Variants in SPIDR observed in about 807,000 individuals in gnomAD.
The protein encoded by SPIDR is scaffold protein involved in DNA repair.
A neutral mutation model predicts 104.6 loss-of-function variants in SPIDR; 93 were observed. The ratio of observed to expected loss-of-function variants is 0.89; its 90% CI spans 0.75 to 1.06. The LOEUF (loss-of-function observed/expected upper bound fraction) is 1.06, where lower values mean the gene tolerates loss of function less well. Among genes scored for constraint, SPIDR ranks in the 50% least tolerant of loss-of-function variants. SPIDR has a pLI of 0.00. For missense variants in SPIDR, 1,154 were observed against 1,111.2 expected, an observed-to-expected ratio of 1.04 and a Z score of -0.55; for synonymous variants, 431 against 416.9, an observed-to-expected ratio of 1.03 and a Z score of -0.41.
chr8:47,268,996 GTC>G (rs2154212845), intron 1 of SPIDR, among the ~76,000 whole-genome samples: 1 of 151,770 alleles, frequency 6.6e-6, no homozygotes, highest in African/African-American at 2.4e-5. Context: ...GTAAAACTGA[GTC>G]TCTACAAAAA....
chr8:47,315,218 T>C (rs1025741841), intron 5 of SPIDR, among the ~76,000 whole-genome samples: 11 of 152,162 alleles, frequency 7.2e-5, no homozygotes, highest in Non-Finnish European at 1.5e-4. Flanking sequence ...CACCTTGACC[T>C]AACTGACATT....
At chr8:47,574,091 C>G (rs1033812232) in intron 8 of SPIDR, among the ~76,000 whole-genome samples, 4 of 152,160 alleles carry the variant, frequency 2.6e-5, no homozygotes, top group African/African-American at 9.7e-5. Context: ...GTGCTTGCCT[C>G]TATGTGGTAA....
intron 8 of SPIDR, among the ~76,000 whole-genome samples, chr8:47,488,628 C>G (rs1428264479): frequency 1.3e-5 from 2 of 152,172 alleles, no homozygotes; most frequent in Non-Finnish European, 2.9e-5. Context: ...CCGAATGCAG[C>G]AGCCCATCAA....
intron 14 of SPIDR, among the ~76,000 whole-genome samples, 156 bp from the exon 15 acceptor site, chr8:47,712,506 G>T (rs902994450): frequency 6.6e-6 from 1 of 152,120 alleles, no homozygotes; most frequent in African/African-American, 2.4e-5. Context: ...GGGCACATGG[G>T]GCTAGTGACC....
At chr8:47,661,534 A>G (rs916083948) in intron 10 of SPIDR, among the ~76,000 whole-genome samples, 1 of 152,262 alleles carries the variant, frequency 6.6e-6, no homozygotes, top group South Asian at 2.1e-4. Context: ...TTTTATGAAC[A>G]TTAATCAGAT....
At chr8:47,499,374 G>A (rs1350718095) in intron 8 of SPIDR, among the ~76,000 whole-genome samples, 7 of 152,086 alleles carry the variant, frequency 4.6e-5, no homozygotes, top group Non-Finnish European at 1.0e-4. Context: ...GAGCTTTGGG[G>A]TTTCCTCTAA....
intron 7 of SPIDR, among the ~76,000 whole-genome samples, chr8:47,429,743 G>A (rs1388180638): frequency 1.3e-5 from 2 of 148,880 alleles, no homozygotes; most frequent in African/African-American, 4.9e-5. Context: ...GGGTGACTTT[G>A]TTAAACCTTG....
At chr8:47,261,207 G>T (rs2032129095) in intron 1 of SPIDR, among the ~76,000 whole-genome samples, 1 of 152,178 alleles carries the variant, frequency 6.6e-6, no homozygotes, top group Admixed American at 6.5e-5. Flanking sequence ...GTGCGGGCCG[G>T]GCCCTCAGCG....
At chr8:47,645,924 G>A (rs137914590) in intron 10 of SPIDR, among the ~76,000 whole-genome samples, 5 of 152,258 alleles carry the variant, frequency 3.3e-5, no homozygotes, top group African/African-American at 1.2e-4. Flanking sequence ...ATCTTGAGGT[G>A]GAAGTTTTTT....
chr8:47,685,586 C>T (rs1218148734), intron 11 of SPIDR, among the ~76,000 whole-genome samples: 1 of 148,342 alleles, frequency 6.7e-6, no homozygotes, highest in Non-Finnish European at 1.5e-5. Context: ...GGTTTTAAGA[C>T]TTTCAGTTTT....
At chr8:47,268,268 G>A (rs2034507096) in intron 1 of SPIDR, among the ~76,000 whole-genome samples, 1 of 152,134 alleles carries the variant, frequency 6.6e-6, no homozygotes, top group African/African-American at 2.4e-5. Flanking sequence ...AATTAGAAGT[G>A]TGAGTTTCTG....
At chr8:47,692,487 CTTTTTTTTTT>C (rs1171012398) in intron 11 of SPIDR, among the ~76,000 whole-genome samples, 6 of 119,286 alleles carry the variant, frequency 5.0e-5, no homozygotes, top group African/African-American at 1.6e-4. Flanking sequence ...TCAGAATTTC[CTTTTTTTTTT>C]TTTTTTTTTT....
intron 8 of SPIDR, among the ~76,000 whole-genome samples, chr8:47,471,006 T>A (rs1192773180): frequency 4.6e-5 from 7 of 152,196 alleles, no homozygotes; most frequent in African/African-American, 1.7e-4. Flanking sequence ...AGTGCTGGGA[T>A]TACAGGCTTG....
intron 8 of SPIDR, among the ~76,000 whole-genome samples, chr8:47,539,464 A>AT (rs1195796759): frequency 6.6e-6 from 1 of 152,090 alleles, no homozygotes; most frequent in Non-Finnish European, 1.5e-5. Flanking sequence ...AATGTTATTA[A>AT]TTGTTATTTT....
In SPIDR at chr8:47,673,922, C is replaced by T. The variant is rs754027963; in HGVS notation, c.1666C>T (p.Gln556Ter). The change falls in exon 11 of 20, where the codon CAG (glutamine) becomes TAG (stop). Residue 556 changes from glutamine (Q) to a stop codon, truncating the protein, a stop_gained. Coordinates refer to ENST00000297423, the MANE Select transcript of SPIDR (RefSeq NM_001080394.4). LOFTEE classifies it high-confidence loss of function. ...SCSLVGMKVL[Q>*]KVTRGRTAGI... Reference sequence around the variant, plus strand: ...CAGCCTGGTGGGAATGAAGGTTCTACAGAAAGTCACCAGAGGAAGGTGAGA... The same window carrying T: ...CAGCCTGGTGGGAATGAAGGTTCTATAGAAAGTCACCAGAGGAAGGTGAGA... 2.5e-6 allele frequency: 4 copies of T among 1,613,978 alleles called. No individual in the cohort carries two copies. Among genetic ancestry groups the T allele is most frequent in the Non-Finnish European group, 3.4e-6 (4 of 1,180,012 alleles).
chr8:47,458,765 G>A (rs2073443488), intron 8 of SPIDR, among the ~76,000 whole-genome samples: 1 of 151,976 alleles, frequency 6.6e-6, no homozygotes, highest in African/African-American at 2.4e-5. Context: ...TATTATGTTG[G>A]CTGTGGGTTT....
intron 8 of SPIDR, among the ~76,000 whole-genome samples, chr8:47,562,087 T>C (rs894944636): frequency 1.3e-5 from 2 of 152,204 alleles, no homozygotes; most frequent in African/African-American, 2.4e-5. Context: ...TTCCTTTATA[T>C]GTATCTTAGA....
At chr8:47,592,689 A>G (rs1200274852) in intron 8 of SPIDR, 5 of 670,650 alleles carry the variant, frequency 7.5e-6, no homozygotes, top group South Asian at 2.0e-5. Context: ...CTCCCTCCCT[A>G]TTTATAATAT....
At chr8:47,352,835 G>A (rs948998382) in intron 5 of SPIDR, among the ~76,000 whole-genome samples, 3 of 151,856 alleles carry the variant, frequency 2.0e-5, no homozygotes, top group African/African-American at 4.8e-5. Context: ...AGGCCGAGTC[G>A]ATGAGGTTGA....
Sources: gnomAD v4.1 joint callset for allele counts (sites outside exome capture counted in the v4.1 genomes callset) on GRCh38, gnomAD v4.1.1 for gene constraint, MANE v1.5 for transcripts, NCBI Gene and HGNC (gene_info 2026-07-23, HGNC 2026-07-21) for gene names.